NOX5: variants seen among roughly 807,000 people sequenced by gnomAD.
The protein encoded by NOX5 is NADPH oxidase 5.
Under a neutral mutation model 85.7 loss-of-function variants are expected in NOX5, and 76 were observed. The ratio of observed to expected loss-of-function variants is 0.89; its 90% CI spans 0.74 to 1.07. The LOEUF (loss-of-function observed/expected upper bound fraction) is 1.07. Ranked by LOEUF, NOX5 falls within the 50% of genes least tolerant of loss-of-function variation. NOX5 has a pLI of 0.00. For missense variants in NOX5, 973 were observed against 999.5 expected, an observed-to-expected ratio of 0.97 and a Z score of 0.36; for synonymous variants, 405 against 401.4, an observed-to-expected ratio of 1.01 and a Z score of -0.11.
intron 2 of NOX5, 27 bp from the exon 3 acceptor site, chr15:69,028,188 G>A: frequency 6.4e-7 from 1 of 1,564,248 alleles, no homozygotes; most frequent in Non-Finnish European, 8.7e-7. Context: ...CCACAGTTGT[G>A]CTGTCTTCCA....
rs2050460859 is a variant in NOX5, at chr15:69,033,079, A to ACGCCCG, written c.662_667dup (p.Pro221_Arg222dup). 1 of 1,520,584 alleles carries ACGCCCG rather than the reference A, an allele frequency of 6.6e-7. No homozygotes were observed. The allele number at this position is 1,520,584 out of a possible 1,614,324, so 94.2% of individuals were successfully genotyped here. A position where few individuals can be genotyped will look rare whatever the true frequency, so the allele number is the denominator to read the frequency against. ...GGCTGACGGCCCCCGCCCCCCGCCC[A>ACGCCCG]CGCCCGCGCCGGCCGCGCCAGCTGA... is the stretch of plus-strand genomic sequence containing the variant. On this transcript the variant is annotated inframe_insertion, in exon 5 of 16. Coordinates refer to ENST00000388866, the MANE Select transcript of NOX5 (RefSeq NM_024505.4).
At chr15:69,027,813 C>A (rs549643621) in intron 2 of NOX5, among the ~76,000 whole-genome samples, 1 of 152,190 alleles carries the variant, frequency 6.6e-6, no homozygotes, top group Non-Finnish European at 1.5e-5. Flanking sequence ...TCATCCCTTG[C>A]GCTCACCCCA....
chr15:69,040,585 G>A (rs1360848764), intron 9 of NOX5, among the ~76,000 whole-genome samples: 1 of 152,194 alleles, frequency 6.6e-6, no homozygotes, highest in Non-Finnish European at 1.5e-5. Context: ...TGGTATTCCA[G>A]TGTGTGGATA....
At position 69,031,501 on chromosome 15, in the gene NOX5, C is replaced by T. The variant is rs766750205; in HGVS notation, c.326-17C>T. Reference sequence around the variant, plus strand: ...GCTGGAGGTGGGTAAACAGAAGAGGCCCACCACTTCTTGCAGTGTGTGCAC... The same window carrying T: ...GCTGGAGGTGGGTAAACAGAAGAGGTCCACCACTTCTTGCAGTGTGTGCAC... On this transcript the variant is annotated splice_polypyrimidine_tract_variant and intron_variant, in intron 3 of 15. Coordinates refer to ENST00000388866, the MANE Select transcript of NOX5 (RefSeq NM_024505.4). 6.3e-7 allele frequency: 1 copy of T among 1,591,226 alleles called. No individual in the cohort carries two copies. Among genetic ancestry groups the T allele is most frequent in the Non-Finnish European group, 8.6e-7 (1 of 1,167,374 alleles).
At chr15:69,051,344 G>A (rs543280347) in intron 14 of NOX5, among the ~76,000 whole-genome samples, 1 of 152,060 alleles carries the variant, frequency 6.6e-6, no homozygotes, top group South Asian at 2.1e-4. Context: ...TTTTCTGGTT[G>A]TTTCAGGTGG....
chr15:69,035,246 C>A, intron 5 of NOX5, 108 bp from the exon 6 acceptor site: 2 of 1,254,360 alleles, frequency 1.6e-6, no homozygotes, highest in Non-Finnish European at 2.2e-6. Context: ...GGTGAGTGTC[C>A]TGTTCAGAAA....
At chr15:69,051,017 CTA>C in intron 14 of NOX5, among the ~76,000 whole-genome samples, 1 of 152,310 alleles carries the variant, frequency 6.6e-6, no homozygotes, top group South Asian at 2.1e-4. Context: ...TTAGGAGAAA[CTA>C]TGCAGATTTT....
rs267604303 is a variant in NOX5 at position 69,049,039 on chromosome 15, G to A, written c.1980G>A (p.Gln660=). The change falls in exon 14 of 16, where the codon CAG becomes CAA. Residue 660 remains glutamine, a synonymous_variant. Coordinates refer to ENST00000388866, the MANE Select transcript of NOX5 (RefSeq NM_024505.4). ...TGCTGACTAAACTGGAGATGGACCA[G>A]GCCGAGGAGGCTCAATACGGTAAGA... is the stretch of plus-strand genomic sequence containing the variant. The part of the protein sequence containing the change: ...VSLLTKLEMD[Q]AEEAQYGRFL... The A allele has an allele frequency of 6.2e-7, 1 of 1,611,978 alleles. No individual in the cohort carries two copies. The highest frequency in any genetic ancestry group is 8.5e-7 in the Non-Finnish European group (1 of 1,179,260).
At position 69,056,548 on chromosome 15, in the gene NOX5, A is replaced by T; in HGVS notation, c.2167-17A>T. On this transcript the variant is annotated splice_polypyrimidine_tract_variant and intron_variant, in intron 15 of 15. Transcript: ENST00000388866. ...ACCTATCTTCCCTCTTCTCTTCCTCAACCCCACTGACTCCAGGTGTTCCAG... is the reference window on the plus strand; with the variant it reads ...ACCTATCTTCCCTCTTCTCTTCCTCTACCCCACTGACTCCAGGTGTTCCAG... The T allele has an allele frequency of 6.2e-7, 1 of 1,611,236 alleles. No individual in the cohort carries two copies. Among genetic ancestry groups the T allele is most frequent in the East Asian group, 2.2e-5 (1 of 44,852 alleles).
Position 69,014,720 on chromosome 15 carries a change from TA to T in NOX5, c.-15del. 1 of 1,550,588 alleles carries T rather than the reference TA, an allele frequency of 6.4e-7. No homozygotes were observed. Among genetic ancestry groups the T allele is most frequent in the Non-Finnish European group, 8.7e-7 (1 of 1,146,942 alleles). Reference sequence around the variant, plus strand: ...AGCAGTCTTTCTGGGACCTGTGATCTAGAAGACAGGAGAAGATGAACACATC... The same window carrying T: ...AGCAGTCTTTCTGGGACCTGTGATCTGAAGACAGGAGAAGATGAACACATC... On this transcript the variant is annotated 5_prime_UTR_variant, in exon 1 of 16. Transcript: ENST00000388866.
intron 14 of NOX5, among the ~76,000 whole-genome samples, chr15:69,052,148 T>G (rs1415413185): frequency 1.3e-5 from 2 of 151,726 alleles, no homozygotes; most frequent in Non-Finnish European, 2.9e-5. Flanking sequence ...AGGCCAAGAG[T>G]TTGAGGCTGC....
At chr15:69,027,670 C>T (rs146643155) in intron 2 of NOX5, among the ~76,000 whole-genome samples, 309 of 152,300 alleles carry the variant, frequency 2.0e-3, no homozygotes, top group Middle Eastern at 6.8e-3. Flanking sequence ...CAGTACAAGA[C>T]TGCTCAGTGA....
chr15:69,031,298 G>A (rs1595774939), intron 3 of NOX5: 1 of 579,378 alleles, frequency 1.7e-6, no homozygotes, highest in Non-Finnish European at 3.0e-6. Flanking sequence ...GTAGTACTTA[G>A]GGAGTTACCG....
Position 69,047,907 on chromosome 15 carries a change from A to G in NOX5, c.1895A>G (p.His632Arg), listed in dbSNP as rs552992488. 6.2e-7 allele frequency: 1 copy of G among 1,614,152 alleles called. No homozygotes were observed. Among genetic ancestry groups the G allele is most frequent in the Admixed American group, 1.7e-5 (1 of 60,032 alleles). ...IEGVQDNMKL[H>R]KVDFIWINRD... Reference sequence around the variant, plus strand: ...GGTGTCCAAGACAACATGAAGCTCCATAAGGTGAGTACCACCTCCTGCAGG... The same window carrying G: ...GGTGTCCAAGACAACATGAAGCTCCGTAAGGTGAGTACCACCTCCTGCAGG... The change falls in exon 13 of 16, where the codon CAT becomes CGT. Residue 632 changes from histidine (H) to arginine (R), a missense_variant. Transcript: ENST00000388866.
At chr15:69,037,896 A>G (rs2050542599) in intron 8 of NOX5, 2 of 152,368 alleles carry the variant, frequency 1.3e-5, no homozygotes, top group African/African-American at 4.8e-5. Context: ...CCCGCAGGCC[A>G]TGGGGAACCC....
chr15:69,033,328 G>C, intron 5 of NOX5, 51 bp downstream of exon 5: 1 of 1,556,856 alleles, frequency 6.4e-7, no homozygotes, highest in Non-Finnish European at 8.6e-7. Flanking sequence ...AGGAGCCGAG[G>C]TGGGCTCCTC....
At chr15:69,016,552 T>C (rs1205300565) in intron 1 of NOX5, among the ~76,000 whole-genome samples, 1 of 152,194 alleles carries the variant, frequency 6.6e-6, no homozygotes, top group African/African-American at 2.4e-5. Context: ...CATCTGTCTG[T>C]GCTCCCTGTG....
intron 10 of NOX5, among the ~76,000 whole-genome samples, chr15:69,045,579 T>C: frequency 6.9e-6 from 1 of 145,598 alleles, no homozygotes; most frequent in African/African-American, 2.6e-5. Flanking sequence ...TTCCCTTTCT[T>C]TCTTTTCTTT....
Position 69,055,609 on chromosome 15 carries a change from G to A in NOX5, c.2166+109G>A, listed in dbSNP as rs566870336. The A allele has an allele frequency of 2.4e-5, 30 of 1,237,796 alleles. No homozygotes were observed. In the African/African-American group the frequency reaches 4.5e-4, roughly 18 times the overall value. The allele number at this position is 1,237,796 out of a possible 1,614,324, so 76.7% of individuals were successfully genotyped here. ...TGTCAGGGGCAAAGTGTGAGGTTAA[G>A]TCCAGAGTCCAGAAGGGACCTCGTG... On this transcript the variant is annotated intron_variant, in intron 15 of 15. Transcript: ENST00000388866.
Sources: allele counts gnomAD v4.1 joint callset (sites outside exome capture counted in the v4.1 genomes callset), GRCh38; gene constraint gnomAD v4.1.1; transcripts MANE v1.5; gene names NCBI Gene and HGNC (gene_info 2026-07-23, HGNC 2026-07-21).